Variants in TRIM33 observed in about 807,000 individuals in gnomAD.
The protein encoded by TRIM33 is tripartite motif containing 33, also known as E3 ubiquitin-protein ligase TRIM33.
In TRIM33, 20 loss-of-function variants were observed where a neutral mutation model predicts 125.4. The ratio of observed to expected loss-of-function variants is 0.16; its 90% CI spans 0.11 to 0.23. The LOEUF (loss-of-function observed/expected upper bound fraction) is 0.23, where lower values mean the gene tolerates loss of function less well. Among genes scored for constraint, TRIM33 ranks in the 10% least tolerant of loss-of-function variants. The pLI is 1.00. For synonymous variants in TRIM33, 564 were observed against 513.9 expected, an observed-to-expected ratio of 1.10 and a Z score of -1.32; for missense variants, 920 against 1,411.4, an observed-to-expected ratio of 0.65 and a Z score of 5.58.
chr1:114,408,733 G>T lies in TRIM33; in HGVS notation c.2202C>A (p.Ser734=). The T allele has an allele frequency of 6.3e-7, 1 of 1,599,544 alleles. No homozygotes were observed. The highest frequency in any genetic ancestry group is 1.1e-5 in the South Asian group (1 of 89,628). ...SALSPGSSGL[S]NSHTPVRPPS... Reference sequence around the variant, plus strand: ...GGGGTCTCACAGGTGTGTGAGAATTGGATAAACCTAAAAAGTAGTAAGTCA... The same window carrying T: ...GGGGTCTCACAGGTGTGTGAGAATTTGATAAACCTAAAAAGTAGTAAGTCA... Residue 734 remains serine, a synonymous_variant, in exon 13 of 20, where the codon TCC becomes TCA. Coordinates refer to ENST00000358465, the MANE Select transcript of TRIM33 (RefSeq NM_015906.4).
chr1:114,436,464 G>C (rs896156887), intron 4 of TRIM33, among the ~76,000 whole-genome samples: 3 of 150,134 alleles, frequency 2.0e-5, no homozygotes, highest in African/African-American at 7.4e-5. Context: ...TATTTTCAGA[G>C]AGTTTTTTTG....
At chr1:114,453,330 C>G (rs2101321762) in intron 4 of TRIM33, among the ~76,000 whole-genome samples, 1 of 150,982 alleles carries the variant, frequency 6.6e-6, no homozygotes, top group Middle Eastern at 3.4e-3. Flanking sequence ...TGCCACTGCA[C>G]TCCAGCCTGG....
chr1:114,393,916 T>C lies in TRIM33; in HGVS notation c.*3732A>G. 4.6e-6 allele frequency: 1 copy of C among 219,572 alleles called. No homozygotes were observed. The highest frequency in any genetic ancestry group is 9.2e-6 in the Non-Finnish European group (1 of 109,172). The allele number at this position is 219,572 out of a possible 1,614,324, so 13.6% of individuals were successfully genotyped here. On this transcript the variant is annotated 3_prime_UTR_variant, in exon 20 of 20. Transcript: ENST00000358465. ...TATGCATACAAACTTTCCTATAAAA[T>C]CACCATCCAGGAGAGGATTCTGACA...
At chr1:114,440,985 T>C (rs1031093791) in intron 4 of TRIM33, among the ~76,000 whole-genome samples, 1 of 152,234 alleles carries the variant, frequency 6.6e-6, no homozygotes, top group African/African-American at 2.4e-5. Flanking sequence ...ATTACGTATC[T>C]TGTGACTCTT....
rs920331928 is a variant in TRIM33 at position 114,425,387 on chromosome 1, G to GA, written c.1695+61dup. On this transcript the variant is annotated intron_variant, in intron 9 of 19. Transcript: ENST00000358465. ...TGAAATGTGTAACTTAATTATATAG[G>GA]AAAAAGTGTAGTGTTGAGGGCTTCA... The GA allele has an allele frequency of 6.5e-5, 102 of 1,566,698 alleles. 1 individual carries two copies. Among genetic ancestry groups the GA allele is most frequent in the Non-Finnish European group, 3.4e-5 (39 of 1,155,470 alleles).
rs751941333 is a variant in TRIM33, at chr1:114,425,735, A to T, written c.1421-12T>A. ...TATTACTAGATTACCTGAAAAATTT[A>T]AAAAATGAGAATTTGCATATAATCA... On this transcript the variant is annotated splice_polypyrimidine_tract_variant and intron_variant, in intron 8 of 19. Coordinates refer to ENST00000358465, the MANE Select transcript of TRIM33 (RefSeq NM_015906.4). The T allele has an allele frequency of 2.6e-6, 4 of 1,565,838 alleles. No homozygotes were observed. The highest frequency in any genetic ancestry group is 4.5e-5 in the East Asian group (2 of 44,416).
chr1:114,481,527 G>A (rs536876443), intron 1 of TRIM33, among the ~76,000 whole-genome samples: 1 of 150,994 alleles, frequency 6.6e-6, no homozygotes, highest in African/African-American at 2.4e-5. Context: ...GGTGGCAGAG[G>A]TTGCAGTGAG....
chr1:114,401,309 C>T (rs980371226), intron 17 of TRIM33, 80 bp downstream of exon 17: 8 of 1,167,670 alleles, frequency 6.9e-6, no homozygotes, highest in Non-Finnish European at 8.6e-6. Flanking sequence ...CAGGCGTGAG[C>T]CACCGCGCCC....
At chr1:114,421,747 G>A in intron 10 of TRIM33, 111 bp from the exon 11 acceptor site, 1 of 1,036,980 alleles carries the variant, frequency 9.6e-7, no homozygotes, top group East Asian at 2.6e-5. Context: ...AAAGAAGTGG[G>A]CCCTTTCAAA....
intron 4 of TRIM33, among the ~76,000 whole-genome samples, chr1:114,461,308 A>G (rs1005131778): frequency 5.5e-5 from 8 of 145,448 alleles, no homozygotes; most frequent in Non-Finnish European, 6.0e-5. Context: ...ATTATATTTT[A>G]TATTTTATAT....
chr1:114,499,532 G>A (rs1652585747), intron 1 of TRIM33, among the ~76,000 whole-genome samples: 1 of 151,646 alleles, frequency 6.6e-6, no homozygotes, highest in Non-Finnish European at 1.5e-5. Flanking sequence ...ATAATTCTGA[G>A]AATTTCTAAA....
intron 1 of TRIM33, among the ~76,000 whole-genome samples, chr1:114,506,007 G>A (rs1266009708): frequency 1.3e-5 from 2 of 152,136 alleles, no homozygotes; most frequent in Non-Finnish European, 2.9e-5. Context: ...ATAACCTAAC[G>A]GGATAGGAAC....
At chr1:114,425,356 TA>T in intron 9 of TRIM33, 92 bp downstream of exon 9, 2 of 1,492,970 alleles carry the variant, frequency 1.3e-6, no homozygotes, top group Non-Finnish European at 1.8e-6. Flanking sequence ...GTCTTGCTAG[TA>T]ACTTTGAAAT....
intron 15 of TRIM33, 98 bp from the exon 16 acceptor site, chr1:114,402,981 A>G (rs1652001776): frequency 8.1e-7 from 1 of 1,228,264 alleles, no homozygotes; most frequent in African/African-American, 1.6e-5. Flanking sequence ...TTTTCTTAAT[A>G]ATTTTTTGAA....
At chr1:114,405,929 G>A (rs1652202647) in intron 14 of TRIM33, among the ~76,000 whole-genome samples, 170 bp from the exon 15 acceptor site, 1 of 152,122 alleles carries the variant, frequency 6.6e-6, no homozygotes, top group African/African-American at 2.4e-5. Context: ...AAATTATTCA[G>A]GCACGCTAAC....
At chr1:114,421,351 T>TA (rs34764124) in intron 11 of TRIM33, 85 bp downstream of exon 11, 95,472 of 1,019,158 alleles carry the variant, frequency 0.094, 234 homozygotes, top group East Asian at 0.12. Context: ...GATCCTGAAT[T>TA]AAAAAAAAAA....
In TRIM33 at chr1:114,396,320, T is replaced by C. The variant is rs1173357353; in HGVS notation, c.*1328A>G. ...AAAGGTGGGTTTACTCCAGTAACCA[T>C]TCAAGTGGGGATTGGCTCATTTTCA... On this transcript the variant is annotated 3_prime_UTR_variant, in exon 20 of 20. Coordinates refer to ENST00000358465, the MANE Select transcript of TRIM33 (RefSeq NM_015906.4). 4.9e-6 allele frequency: 1 copy of C among 205,734 alleles called. No homozygotes were observed. The highest frequency in any genetic ancestry group is 1.0e-5 in the Non-Finnish European group (1 of 100,396). 12.7% of individuals were successfully genotyped at this position (205,734 alleles called of 1,614,324 possible). A position where few individuals can be genotyped will look rare whatever the true frequency, so the allele number is the denominator to read the frequency against.
intron 1 of TRIM33, among the ~76,000 whole-genome samples, chr1:114,477,394 C>CA (rs1216812574): frequency 6.6e-6 from 1 of 151,370 alleles, no homozygotes; most frequent in African/African-American, 2.4e-5. Context: ...AGAAACCAGG[C>CA]ATGTCATTTA....
chr1:114,417,935 C>T (rs1247702874), intron 11 of TRIM33, among the ~76,000 whole-genome samples: 1 of 152,150 alleles, frequency 6.6e-6, no homozygotes, highest in Non-Finnish European at 1.5e-5. Context: ...GGATTACAGG[C>T]GTGAGCCACT....
Sources: gnomAD v4.1 joint callset for allele counts (sites outside exome capture counted in the v4.1 genomes callset) on GRCh38, gnomAD v4.1.1 for gene constraint, MANE v1.5 for transcripts, NCBI Gene and HGNC (gene_info 2026-07-23, HGNC 2026-07-21) for gene names.